The following NALF1 variants were observed in gnomAD, a reference collection of about 807,000 sequenced individuals.
The protein encoded by NALF1 is NALCN channel auxiliary factor 1, also known as family with sequence similarity 155 member A.
NALF1 carries 3 observed loss-of-function variants against 48.4 expected under a neutral mutation model. That is an observed-to-expected ratio of 0.06 (90% CI 0.03 to 0.16). NALF1 has a LOEUF of 0.16. Among genes scored for constraint, NALF1 ranks in the 10% least tolerant of loss-of-function variants. NALF1 has a pLI of 1.00. For synonymous variants in NALF1, 262 were observed against 245.7 expected, an observed-to-expected ratio of 1.07 and a Z score of -0.62; for missense variants, 526 against 571.5, an observed-to-expected ratio of 0.92 and a Z score of 0.81.
At chr13:107,788,693 T>G (rs1878143767) in intron 1 of NALF1, 1 of 152,186 alleles carries the variant, frequency 6.6e-6, no homozygotes, top group Admixed American at 6.5e-5. Context: ...AGCTCCAGAA[T>G]GCAGGGGCTT....
At chr13:107,730,190 T>G (rs1204740484) in intron 1 of NALF1, among the ~76,000 whole-genome samples, 1 of 152,218 alleles carries the variant, frequency 6.6e-6, no homozygotes, top group Non-Finnish European at 1.5e-5. Flanking sequence ...TTACATTATT[T>G]GTATTATTGC....
At position 107,373,389 on chromosome 13, in the gene NALF1, G is replaced by A. The variant is rs565199004; in HGVS notation, c.916-162634C>T. Among the ~76,000 whole-genome samples, 10 of 152,278 alleles carry A rather than the reference G, an allele frequency of 6.6e-5. No homozygotes were observed. In the South Asian group the frequency reaches 2.1e-3, roughly 32 times the overall value. ...CAAGAAAGGTGAAAGACCTAACATG[G>A]AATGGATCAGAGTAAATGAACTGAC... On this transcript the variant is annotated intron_variant, in intron 1 of 2. Transcript: ENST00000375915.
At chr13:107,816,726 G>A (rs916602232) in intron 1 of NALF1, among the ~76,000 whole-genome samples, 1 of 152,022 alleles carries the variant, frequency 6.6e-6, no homozygotes, top group African/African-American at 2.4e-5. Flanking sequence ...AAAGTTTGCT[G>A]AACTATTGCG....
At chr13:107,581,822 C>T (rs1479628248) in intron 1 of NALF1, among the ~76,000 whole-genome samples, 2 of 152,174 alleles carry the variant, frequency 1.3e-5, no homozygotes, top group Admixed American at 6.5e-5. Flanking sequence ...CATCAATTCA[C>T]ATACAGTTCA....
chr13:107,597,020 C>A (rs1878774306), intron 1 of NALF1, among the ~76,000 whole-genome samples: 1 of 152,038 alleles, frequency 6.6e-6, no homozygotes, highest in Non-Finnish European at 1.5e-5. Flanking sequence ...CTCTATTTCC[C>A]CTGCTTCAGT....
chr13:107,342,215 T>A (rs1185131449), intron 1 of NALF1, among the ~76,000 whole-genome samples: 1 of 152,312 alleles, frequency 6.6e-6, no homozygotes, highest in East Asian at 1.9e-4. Flanking sequence ...ATAAGCTTTT[T>A]AAAACAGTGG....
In NALF1 at chr13:107,415,759, T is replaced by C. The variant is rs1313422652; in HGVS notation, c.916-205004A>G. ...TTGAATTTTACTTTCCATTTAAAGT[T>C]ATCTATCACGTTCTTGGAAAGAGAT... On this transcript the variant is annotated intron_variant, in intron 1 of 2. Transcript: ENST00000375915. Among the ~76,000 whole-genome samples the C allele has an allele frequency of 4.6e-5, 7 of 152,200 alleles. No individual in the cohort carries two copies. In the East Asian group the frequency reaches 5.8e-4, roughly 13 times the overall value.
At chr13:107,210,892 C>T in intron 1 of NALF1, 137 bp from the exon 2 acceptor site, 2 of 608,252 alleles carry the variant, frequency 3.3e-6, no homozygotes, top group Non-Finnish European at 5.8e-6. Context: ...AGCGTATTTA[C>T]ACAACGACAG....
chr13:107,822,732 T>C (rs1317527824), intron 1 of NALF1, among the ~76,000 whole-genome samples: 1 of 152,152 alleles, frequency 6.6e-6, no homozygotes, highest in Non-Finnish European at 1.5e-5. Context: ...CCTCCAAATT[T>C]TGGCACTAGA....
intron 1 of NALF1, among the ~76,000 whole-genome samples, chr13:107,657,030 A>C (rs1192575590): frequency 6.6e-6 from 1 of 151,952 alleles, no homozygotes; most frequent in African/African-American, 2.4e-5. Context: ...GGAAGGGTTG[A>C]GGGTGGTGAG....
At chr13:107,263,692 T>C (rs373667208) in intron 1 of NALF1, among the ~76,000 whole-genome samples, 4 of 152,178 alleles carry the variant, frequency 2.6e-5, no homozygotes, top group African/African-American at 9.6e-5. Flanking sequence ...ATGATTGTGA[T>C]GCCTCCCCAG....
At chr13:107,541,412 G>A (rs1168940797) in intron 1 of NALF1, among the ~76,000 whole-genome samples, 3 of 152,066 alleles carry the variant, frequency 2.0e-5, no homozygotes, top group Non-Finnish European at 4.4e-5. Flanking sequence ...TTAATCAAAA[G>A]AGAAGAATAG....
At chr13:107,630,736 G>C (rs1225055038) in intron 1 of NALF1, among the ~76,000 whole-genome samples, 2 of 117,546 alleles carry the variant, frequency 1.7e-5, no homozygotes, top group Non-Finnish European at 3.8e-5. Context: ...TCTGAAATAC[G>C]GTTTGTAAAA....
At chr13:107,788,940 G>A (rs1214249721) in intron 1 of NALF1, 1 of 152,136 alleles carries the variant, frequency 6.6e-6, no homozygotes, top group Non-Finnish European at 1.5e-5. Context: ...AGCAAATATG[G>A]TTAACCTAGT....
chr13:107,842,702 C>CT lies in NALF1; in HGVS notation c.915+22979dup, dbSNP rs567275490. ...GACCTGCCATAAAGAAAGTAATTAA[C>CT]TTTTTTTAAAAGCTAATAAATCTCT... On this transcript the variant is annotated intron_variant, in intron 1 of 2. Coordinates refer to ENST00000375915, the MANE Select transcript of NALF1 (RefSeq NM_001080396.3). Among the ~76,000 whole-genome samples the CT allele has an allele frequency of 1.5e-3, 235 of 151,692 alleles. 2 individuals are homozygous for CT. In the Middle Eastern group the frequency reaches 0.031, roughly 20 times the overall value.
intron 1 of NALF1, among the ~76,000 whole-genome samples, chr13:107,775,103 G>A (rs539746131): frequency 2.0e-4 from 30 of 152,142 alleles, no homozygotes; most frequent in African/African-American, 7.2e-4. Context: ...TGTGCACAAT[G>A]TGCACGTTAG....
chr13:107,347,812 G>T (rs887501938), intron 1 of NALF1, among the ~76,000 whole-genome samples: 1 of 152,216 alleles, frequency 6.6e-6, no homozygotes, highest in Admixed American at 6.5e-5. Context: ...TGTCCACTGA[G>T]CATGTGATGA....
At chr13:107,510,309 T>G (rs1031427226) in intron 1 of NALF1, among the ~76,000 whole-genome samples, 5 of 152,162 alleles carry the variant, frequency 3.3e-5, no homozygotes, top group African/African-American at 1.2e-4. Context: ...ATTTCATGAT[T>G]CTGAAGAATT....
At chr13:107,492,035 TTTTTTTG>T (rs1457753001) in intron 1 of NALF1, among the ~76,000 whole-genome samples, 1,997 of 112,792 alleles carry the variant, frequency 0.018, 77 homozygotes, top group African/African-American at 0.066. Context: ...TGTCTGGGTT[TTTTTTTG>T]TTTTTTTTTT....
Sources: gnomAD v4.1 joint callset for allele counts (sites outside exome capture counted in the v4.1 genomes callset) on GRCh38, gnomAD v4.1.1 for gene constraint, MANE v1.5 for transcripts, NCBI Gene and HGNC (gene_info 2026-07-23, HGNC 2026-07-21) for gene names.